The following HTR3A variants were observed in gnomAD, a reference collection of about 807,000 sequenced individuals.
The protein encoded by HTR3A is 5-hydroxytryptamine (serotonin) receptor 3A, ionotropic.
Under a neutral mutation model 54.8 loss-of-function variants are expected in HTR3A, and 45 were observed. That is an observed-to-expected ratio of 0.82 (90% CI 0.65 to 1.05). The LOEUF (loss-of-function observed/expected upper bound fraction) is 1.05. Ranked by LOEUF, HTR3A falls within the 50% of genes least tolerant of loss-of-function variation. The probability of loss-of-function intolerance (pLI) is 0.00; values close to 1 mark genes in which losing one functional copy is unlikely to be tolerated. For missense variants in HTR3A, 657 were observed against 614.0 expected (o/e 1.07, Z -0.74); for synonymous variants, 297 against 256.0 (o/e 1.16, Z -1.53).
intron 4 of HTR3A, 72 bp from the exon 5 acceptor site, chr11:113,983,048 T>C (rs974824824): frequency 3.4e-5 from 54 of 1,570,748 alleles, no homozygotes; most frequent in Non-Finnish European, 4.6e-5. Context: ...ACCCAGTTGT[T>C]CCAAGATCTT....
Position 113,977,927 on chromosome 11 carries a change from G to T in HTR3A, c.219+5G>T. ...GTCTATGCCATCCTCAACGTGGTGA[G>T]GCTCAGCCCCGAGCTGCACACAGGC... On this transcript the variant is annotated splice_donor_5th_base_variant and intron_variant, in intron 2 of 8. Transcript: ENST00000504030. 1 of 1,614,234 alleles carries T rather than the reference G, an allele frequency of 6.2e-7. No individual in the cohort carries two copies. The highest frequency in any genetic ancestry group is 8.5e-7 in the Non-Finnish European group (1 of 1,180,050).
rs369511862 is a variant in HTR3A, at chr11:113,981,322, G to A, written c.374+10G>A. ...TTCTCATCAATGAGTTGTGAGTACC[G>A]TTATCCATTGTGAGGTGGCTGGGTG... On this transcript the variant is annotated intron_variant, in intron 4 of 8. Coordinates refer to ENST00000504030, the MANE Select transcript of HTR3A (RefSeq NM_000869.6). The A allele has an allele frequency of 1.7e-3, 2,680 of 1,551,966 alleles. 7 individuals are homozygous for A. The highest frequency in any genetic ancestry group is 2.1e-3 in the Non-Finnish European group (2,316 of 1,123,330).
rs182066522 is a variant in HTR3A at position 113,983,104 on chromosome 11, C to T, written c.375-16C>T. On this transcript the variant is annotated splice_polypyrimidine_tract_variant and intron_variant, in intron 4 of 8. Coordinates refer to ENST00000504030, the MANE Select transcript of HTR3A (RefSeq NM_000869.6). ...TGTCTCTTGAGCTCCCAAACTAACC[C>T]CTTTTCCCCCGCCAGCGTGGATGTG... 6.2e-6 allele frequency: 10 copies of T among 1,614,194 alleles called. No individual in the cohort carries two copies. In the South Asian group the frequency reaches 7.7e-5, roughly 12 times the overall value.
Position 113,990,072 on chromosome 11 carries a change from A to G in HTR3A, c.*309A>G, listed in dbSNP as rs2137590884. 1 of 558,036 alleles carries G rather than the reference A, an allele frequency of 1.8e-6. No homozygotes were observed. The highest frequency in any genetic ancestry group is 1.5e-5 in the South Asian group (1 of 65,404). 34.6% of individuals were successfully genotyped at this position (558,036 alleles called of 1,614,324 possible). On this transcript the variant is annotated 3_prime_UTR_variant, in exon 9 of 9. Transcript: ENST00000504030. The stretch of plus-strand genomic sequence containing the variant: ...CTCCCTAAGTCCACTCTAGTTGTGG[A>G]CTTTTCCCCATTGACCCTCACCTGA...
chr11:113,987,726 GT>G (rs1950509268), intron 8 of HTR3A, among the ~76,000 whole-genome samples: 1 of 152,142 alleles, frequency 6.6e-6, no homozygotes, highest in Non-Finnish European at 1.5e-5. Flanking sequence ...GTAAGACCCT[GT>G]CTCAAAAATA....
In HTR3A at chr11:113,986,693, C is replaced by A. The variant is rs577159117; in HGVS notation, c.881C>A (p.Thr294Lys). The A allele has an allele frequency of 6.2e-7, 1 of 1,614,208 alleles. No homozygotes were observed. The highest frequency in any genetic ancestry group is 1.1e-5 in the South Asian group (1 of 91,084). The change falls in exon 7 of 9, where the codon ACG (threonine) becomes AAG (lysine). Residue 294 changes from threonine (T) to lysine (K), a missense_variant. Thr to Lys is a moderately conservative substitution (Grantham distance 78, BLOSUM62 -1). Transcript: ENST00000504030. ...GTCTTCCTGATCATCGTTTCTGACA[C>A]GCTGCCGGCCACTGCCATCGGCACT... Reference protein sequence around the residue: ...YSVFLIIVSDTLPATAIGTPL... With the variant: ...YSVFLIIVSDKLPATAIGTPL...
intron 5 of HTR3A, 95 bp downstream of exon 5, chr11:113,983,384 TC>T: frequency 7.8e-7 from 1 of 1,281,736 alleles, no homozygotes; most frequent in Non-Finnish European, 1.1e-6. Flanking sequence ...TTCTCACGTA[TC>T]CAGCCTACTA....
At position 113,986,015 on chromosome 11, in the gene HTR3A, T is replaced by C. The variant is rs1352139894; in HGVS notation, c.545T>C (p.Ile182Thr). ...SLTFTSWLHT[I>T]QDINISLWRL... is the part of the protein sequence containing the mutation. ...GCTGGCTTGCTTTATTCTCTCTCAGTCCAGGACATCAACATCTCTTTGTGG... is the reference window on the plus strand; with the variant it reads ...GCTGGCTTGCTTTATTCTCTCTCAGCCCAGGACATCAACATCTCTTTGTGG... Residue 182 changes from isoleucine to threonine, a missense_variant and splice_region_variant, in exon 6 of 9, where the codon ATC (isoleucine) becomes ACC (threonine). Transcript: ENST00000504030. The C allele has an allele frequency of 6.2e-7, 1 of 1,613,998 alleles. No individual in the cohort carries two copies. Among genetic ancestry groups the C allele is most frequent in the African/African-American group, 1.3e-5 (1 of 74,914 alleles).
rs1173018567 is a variant in HTR3A, at chr11:113,986,864, G to C, written c.956G>C (p.Ser319Thr). ...FVVCMALLVISLAETIFIVRL... is the reference protein window; with the variant it reads ...FVVCMALLVITLAETIFIVRL... ...GTGTGCATGGCTCTGCTGGTGATAA[G>C]TTTGGCCGAGACCATCTTCATTGTG... Residue 319 changes from serine to threonine, a missense_variant, in exon 8 of 9, where the codon AGT (serine) becomes ACT (threonine). By Grantham distance (58) the Ser-to-Thr change is moderately conservative. Coordinates refer to ENST00000504030, the MANE Select transcript of HTR3A (RefSeq NM_000869.6). 6.2e-7 allele frequency: 1 copy of C among 1,614,032 alleles called. No homozygotes were observed. The highest frequency in any genetic ancestry group is 1.3e-5 in the African/African-American group (1 of 74,922).
rs370293059 is a variant in HTR3A at position 113,986,845 on chromosome 11, A to C, written c.937A>C (p.Met313Leu). The C allele has an allele frequency of 6.2e-7, 1 of 1,611,930 alleles. No homozygotes were observed. The highest frequency in any genetic ancestry group is 8.5e-7 in the Non-Finnish European group (1 of 1,180,004). Residue 313 changes from methionine to leucine, a missense_variant, in exon 8 of 9, where the codon ATG becomes CTG. Met to Leu is a conservative substitution (Grantham distance 15). Coordinates refer to ENST00000504030, the MANE Select transcript of HTR3A (RefSeq NM_000869.6). ...CACAGGTGTCTACTTTGTGGTGTGC[A>C]TGGCTCTGCTGGTGATAAGTTTGGC... ...PLIGVYFVVC[M>L]ALLVISLAET...
At position 113,981,208 on chromosome 11, in the gene HTR3A, G is replaced by T; in HGVS notation, c.270G>T (p.Trp90Cys). Residue 90 changes from tryptophan (W) to cysteine (C), a missense_variant, in exon 4 of 9, where the codon TGG (tryptophan) becomes TGT (cysteine). Trp to Cys is a radical substitution (Grantham distance 215). Coordinates refer to ENST00000504030, the MANE Select transcript of HTR3A (RefSeq NM_000869.6). Reference protein sequence around the residue: ...LTTYIWYRQYWTDEFLQWNPE... With the variant: ...LTTYIWYRQYCTDEFLQWNPE... ...CATCCCTGCTCCTCCCCTAGTACTGGACTGATGAGTTTCTCCAGTGGAACC... is the reference window on the plus strand; with the variant it reads ...CATCCCTGCTCCTCCCCTAGTACTGTACTGATGAGTTTCTCCAGTGGAACC... 1 of 1,606,512 alleles carries T rather than the reference G, an allele frequency of 6.2e-7. No individual in the cohort carries two copies. Among genetic ancestry groups the T allele is most frequent in the South Asian group, 1.1e-5 (1 of 90,914 alleles).
intron 1 of HTR3A, among the ~76,000 whole-genome samples, chr11:113,977,155 T>C (rs1039065601): frequency 6.6e-6 from 1 of 152,176 alleles, no homozygotes; most frequent in African/African-American, 2.4e-5. Flanking sequence ...AGCTTGTGTG[T>C]GCCTGGGGCA....
At chr11:113,988,068 C>A (rs1950513003) in intron 8 of HTR3A, among the ~76,000 whole-genome samples, 1 of 152,208 alleles carries the variant, frequency 6.6e-6, no homozygotes, top group South Asian at 2.1e-4. Flanking sequence ...AACCCAGGCC[C>A]ATCTGACTCT....
At chr11:113,980,640 C>G (rs1024063753) in intron 3 of HTR3A, among the ~76,000 whole-genome samples, 2 of 152,164 alleles carry the variant, frequency 1.3e-5, no homozygotes, top group Non-Finnish European at 2.9e-5. Flanking sequence ...GAGGCATGGC[C>G]AAAATATGAG....
At chr11:113,977,026 C>T (rs991195689) in intron 1 of HTR3A, among the ~76,000 whole-genome samples, 10 of 152,036 alleles carry the variant, frequency 6.6e-5, no homozygotes, top group African/African-American at 9.7e-5. Context: ...CCACCTACCC[C>T]GGAAGTCGTT....
Position 113,977,804 on chromosome 11 carries a change from T to G in HTR3A, c.101T>G (p.Leu34Arg). 1 of 1,614,190 alleles carries G rather than the reference T, an allele frequency of 6.2e-7. No individual in the cohort carries two copies. Among genetic ancestry groups the G allele is most frequent in the Non-Finnish European group, 8.5e-7 (1 of 1,180,044 alleles). The change falls in exon 2 of 9, where the codon CTG becomes CGG. Residue 34 changes from leucine to arginine, a missense_variant. Transcript: ENST00000504030. ...RRSRNTTRPALLRLSDYLLTN... is the reference protein window; with the variant it reads ...RRSRNTTRPARLRLSDYLLTN... ...AGCCGAAACACCACCAGGCCCGCTC[T>G]GCTGAGGCTGTCGGATTACCTTTTG...
At chr11:113,981,983 T>G (rs1291958064) in intron 4 of HTR3A, among the ~76,000 whole-genome samples, 4 of 148,614 alleles carry the variant, frequency 2.7e-5, no homozygotes, top group African/African-American at 7.4e-5. Context: ...AACAAAAAAC[T>G]GGAACACTGA....
chr11:113,983,259 T>C lies in HTR3A; in HGVS notation c.514T>C (p.Ser172Pro). 1 of 1,614,174 alleles carries C rather than the reference T, an allele frequency of 6.2e-7. No individual in the cohort carries two copies. Among genetic ancestry groups the C allele is most frequent in the South Asian group, 1.1e-5 (1 of 91,090 alleles). ...CTTCCCCTTCGATGTCCAGAACTGCTCGCTGACCTTCACCAGTTGGCTGCA... is the reference window on the plus strand; with the variant it reads ...CTTCCCCTTCGATGTCCAGAACTGCCCGCTGACCTTCACCAGTTGGCTGCA... ...YNFPFDVQNC[S>P]LTFTSWLHTI... Residue 172 changes from serine to proline, a missense_variant, in exon 5 of 9, where the codon TCG becomes CCG. Ser to Pro is a moderately conservative substitution (Grantham distance 74). Transcript: ENST00000504030.
At chr11:113,980,612 C>T (rs77248098) in intron 3 of HTR3A, among the ~76,000 whole-genome samples, 29 of 152,294 alleles carry the variant, frequency 1.9e-4, no homozygotes, top group African/African-American at 6.7e-4. Flanking sequence ...CATACGGCTG[C>T]AGTGTAGAAG....
Sources: allele counts gnomAD v4.1 joint callset (sites outside exome capture counted in the v4.1 genomes callset), GRCh38; gene constraint gnomAD v4.1.1; transcripts MANE v1.5; gene names NCBI Gene and HGNC (gene_info 2026-07-23, HGNC 2026-07-21).